FBXW7: variants seen among roughly 807,000 people sequenced by gnomAD.
The protein encoded by FBXW7 is F-box/WD repeat-containing protein 7.
Under a neutral mutation model 86.3 loss-of-function variants are expected in FBXW7, and 11 were observed. The observed-to-expected ratio is 0.13, with a 90% CI of 0.08 to 0.21. The LOEUF (loss-of-function observed/expected upper bound fraction) is 0.21, where lower values mean the gene tolerates loss of function less well. Ranked by LOEUF, FBXW7 falls within the 10% of genes least tolerant of loss-of-function variation. The pLI, the probability that FBXW7 is intolerant of heterozygous loss-of-function variation, is 1.00. For synonymous variants in FBXW7, 313 were observed against 297.9 expected (o/e 1.05, Z -0.52); for missense variants, 488 against 847.4 (o/e 0.58, Z 5.27).
intron 4 of FBXW7, among the ~76,000 whole-genome samples, chr4:152,365,927 G>A (rs1310979610): frequency 6.6e-6 from 1 of 151,994 alleles, no homozygotes; most frequent in African/African-American, 2.4e-5. Context: ...TTTGATTCTT[G>A]TTGTATCTCA....
At chr4:152,481,750 A>G (rs1256911741) in intron 2 of FBXW7, among the ~76,000 whole-genome samples, 6 of 152,240 alleles carry the variant, frequency 3.9e-5, no homozygotes, top group African/African-American at 1.4e-4. Flanking sequence ...TGATAGAAAT[A>G]GCAAGAGAAC....
chr4:152,392,108 G>A (rs1222021339), intron 4 of FBXW7, among the ~76,000 whole-genome samples: 2 of 152,070 alleles, frequency 1.3e-5, no homozygotes, highest in Admixed American at 1.3e-4. Context: ...AAGATATTAT[G>A]AACTCTTATA....
chr4:152,350,432 AACC>A (rs1731695691), intron 4 of FBXW7, among the ~76,000 whole-genome samples: 1 of 151,730 alleles, frequency 6.6e-6, no homozygotes, highest in African/African-American at 2.4e-5. Flanking sequence ...CCAATTTAAT[AACC>A]AACATAGGGA....
intron 4 of FBXW7, chr4:152,382,109 T>TTG (rs1218878680): frequency 3.1e-6 from 3 of 968,608 alleles, no homozygotes; most frequent in Non-Finnish European, 4.4e-6. Flanking sequence ...AAACTGAAAT[T>TTG]TGAGGCATCT....
intron 2 of FBXW7, among the ~76,000 whole-genome samples, chr4:152,464,939 A>C (rs934152151): frequency 2.6e-5 from 4 of 152,252 alleles, no homozygotes; most frequent in African/African-American, 7.2e-5. Flanking sequence ...TTGTGCAAAA[A>C]CAGTATTGGC....
chr4:152,407,153 T>C (rs1185386546), intron 4 of FBXW7, among the ~76,000 whole-genome samples: 2 of 152,186 alleles, frequency 1.3e-5, no homozygotes, highest in African/African-American at 4.8e-5. Flanking sequence ...TAATCAGAAT[T>C]CAAACTCAGA....
rs141092634 is a variant in FBXW7, at chr4:152,352,555, C to T, written c.502-2431G>A. The T allele has an allele frequency of 2.6e-4, 427 of 1,613,798 alleles. No homozygotes were observed. In the African/African-American group the frequency reaches 5.0e-3, roughly 19 times the overall value. Reference sequence around the variant, plus strand: ...CAGTGATTCTGTGCCCCCGTGTGTCCGGCTGCTTGGCAGTCTCTGACAATA... The same window carrying T: ...CAGTGATTCTGTGCCCCCGTGTGTCTGGCTGCTTGGCAGTCTCTGACAATA... On this transcript the variant is annotated intron_variant, in intron 4 of 13. Coordinates refer to ENST00000281708, the MANE Select transcript of FBXW7 (RefSeq NM_001349798.2).
chr4:152,493,904 CAGAG>C (rs1746079961), intron 2 of FBXW7, among the ~76,000 whole-genome samples: 1 of 152,156 alleles, frequency 6.6e-6, no homozygotes, highest in African/African-American at 2.4e-5. Context: ...AATTTACTAA[CAGAG>C]AGGTTGTTGG....
intron 4 of FBXW7, among the ~76,000 whole-genome samples, chr4:152,373,741 A>C (rs1734219035): frequency 6.6e-6 from 1 of 151,988 alleles, no homozygotes; most frequent in African/African-American, 2.4e-5. Context: ...CTTTGTACGT[A>C]GGTCCATTTA....
chr4:152,484,952 A>G (rs1745212868), intron 2 of FBXW7, among the ~76,000 whole-genome samples: 1 of 132,742 alleles, frequency 7.5e-6, no homozygotes, highest in Admixed American at 7.8e-5. Flanking sequence ...ACAGAGCGAG[A>G]CTCTGTCTCA....
chr4:152,364,074 T>C (rs960900541), intron 4 of FBXW7, among the ~76,000 whole-genome samples: 2 of 152,168 alleles, frequency 1.3e-5, no homozygotes, highest in African/African-American at 2.4e-5. Flanking sequence ...GCTAATTGTG[T>C]ACTGTGATAC....
intron 2 of FBXW7, among the ~76,000 whole-genome samples, chr4:152,460,151 T>C (rs1270776629): frequency 6.6e-6 from 1 of 152,240 alleles, no homozygotes; most frequent in East Asian, 1.9e-4. Flanking sequence ...TTTTACCACA[T>C]TTTTAAGTTT....
intron 2 of FBXW7, among the ~76,000 whole-genome samples, chr4:152,523,325 A>G (rs114525345): frequency 3.5e-4 from 53 of 152,332 alleles, no homozygotes; most frequent in African/African-American, 1.2e-3. Context: ...CATATTTTAA[A>G]GAAAATAAGC....
At chr4:152,350,664 A>T (rs1731723054) in intron 4 of FBXW7, among the ~76,000 whole-genome samples, 1 of 151,864 alleles carries the variant, frequency 6.6e-6, no homozygotes, top group Non-Finnish European at 1.5e-5. Flanking sequence ...GCATAAAGCA[A>T]TTAATATGGG....
At chr4:152,528,134 T>C (rs988529759) in intron 2 of FBXW7, among the ~76,000 whole-genome samples, 1 of 152,038 alleles carries the variant, frequency 6.6e-6, no homozygotes, top group Non-Finnish European at 1.5e-5. Flanking sequence ...GAAATGAACA[T>C]CTAACACAAT....
At chr4:152,335,957 T>A (rs1730047465) in intron 7 of FBXW7, among the ~76,000 whole-genome samples, 1 of 152,172 alleles carries the variant, frequency 6.6e-6, no homozygotes, top group South Asian at 2.1e-4. Flanking sequence ...ATTAATAAAG[T>A]AAATGTTTGT....
chr4:152,419,767 A>G (rs1481492221), intron 2 of FBXW7, among the ~76,000 whole-genome samples: 1 of 152,178 alleles, frequency 6.6e-6, no homozygotes, highest in Admixed American at 6.5e-5. Flanking sequence ...CAGTGCAATA[A>G]AAGTTATATT....
intron 4 of FBXW7, among the ~76,000 whole-genome samples, chr4:152,410,937 T>C (rs1025069074): frequency 1.8e-4 from 28 of 152,310 alleles, no homozygotes; most frequent in African/African-American, 6.7e-4. Flanking sequence ...AGCTGCATTT[T>C]GTAAATAAAA....
At chr4:152,376,950 A>C (rs1323208447) in intron 4 of FBXW7, among the ~76,000 whole-genome samples, 1 of 152,094 alleles carries the variant, frequency 6.6e-6, no homozygotes, top group Non-Finnish European at 1.5e-5. Flanking sequence ...GAAAAAAAAA[A>C]CTTAAAAGGG....
Sources: allele counts gnomAD v4.1 joint callset (sites outside exome capture counted in the v4.1 genomes callset), GRCh38; gene constraint gnomAD v4.1.1; transcripts MANE v1.5; gene names NCBI Gene and HGNC (gene_info 2026-07-23, HGNC 2026-07-21).